NOP9: variants seen among roughly 807,000 people sequenced by gnomAD.
The protein encoded by NOP9 is nucleolar protein 9.
In NOP9, 50 loss-of-function variants were observed where a neutral mutation model predicts 63.0. The observed-to-expected ratio is 0.79, with a 90% CI of 0.63 to 1.00. NOP9 has a LOEUF of 1.00. Ranked by LOEUF, NOP9 falls within the 50% of genes least tolerant of loss-of-function variation. The probability of loss-of-function intolerance (pLI) is 0.00; values close to 1 mark genes in which losing one functional copy is unlikely to be tolerated. For synonymous variants in NOP9, 343 were observed against 332.8 expected (o/e 1.03, Z -0.33); for missense variants, 758 against 803.0 (o/e 0.94, Z 0.68).
In NOP9 at chr14:24,306,947, C is replaced by G. The variant is rs1172675940; in HGVS notation, c.*1852C>G. The G allele has an allele frequency of 3.8e-6, 1 of 259,806 alleles. No individual in the cohort carries two copies. The highest frequency in any genetic ancestry group is 7.5e-6 in the Non-Finnish European group (1 of 133,136). 16.1% of individuals were successfully genotyped at this position (259,806 alleles called of 1,614,324 possible). A position where few individuals can be genotyped will look rare whatever the true frequency, so the allele number is the denominator to read the frequency against. ...TCTGTGCCAGGTATGAGGACTTTAC[C>G]TACATTATCCTCTTACTCCTTTCAA... On this transcript the variant is annotated 3_prime_UTR_variant, in exon 10 of 10. Transcript: ENST00000267425.
the NOP9 span, chr14:24,292,105 G>A: frequency 1.3e-6 from 2 of 1,556,872 alleles, no homozygotes; most frequent in South Asian, 2.3e-5. Flanking sequence ...CCTGGTGAGT[G>A]GGAGTATCTG....
At chr14:24,301,196 G>C (rs1022089514) in intron 2 of NOP9, among the ~76,000 whole-genome samples, 1 of 152,062 alleles carries the variant, frequency 6.6e-6, no homozygotes, top group East Asian at 1.9e-4. Context: ...ACTACATGCA[G>C]CCCACTCTGT....
rs2139150347 is a variant in NOP9 at position 24,307,378 on chromosome 14, A to G, written c.*2283A>G. 6.2e-7 allele frequency: 1 copy of G among 1,613,368 alleles called. No individual in the cohort carries two copies. The highest frequency in any genetic ancestry group is 8.5e-7 in the Non-Finnish European group (1 of 1,179,606). ...GGAACTTGGCCTACTTACTTTGGCTAGCAGCTCCTGGCGGGTGGCAGCTGT... is the reference window on the plus strand; with the variant it reads ...GGAACTTGGCCTACTTACTTTGGCTGGCAGCTCCTGGCGGGTGGCAGCTGT... On this transcript the variant is annotated 3_prime_UTR_variant, in exon 10 of 10. Transcript: ENST00000267425.
At chr14:24,298,727 G>A (rs1866848124), upstream of NOP9, 18 of 485,932 alleles carry the variant, frequency 3.7e-5, no homozygotes, top group South Asian at 4.5e-4. Flanking sequence ...CTGCAGGAAC[G>A]TGCCACCATG....
At chr14:24,272,468 T>C in the NOP9 span, among the ~76,000 whole-genome samples, 2 of 152,250 alleles carry the variant, frequency 1.3e-5, no homozygotes, top group Non-Finnish European at 2.9e-5. Context: ...GCTTAAATAC[T>C]CTTTCTCTTC....
chr14:24,271,364 CG>C, the NOP9 span: 1 of 405,118 alleles, frequency 2.5e-6, no homozygotes, highest in African/African-American at 2.0e-5. Flanking sequence ...TAGCCCGATT[CG>C]CCCGGGCCAG....
chr14:24,304,555 T>A lies in NOP9; in HGVS notation c.1710T>A (p.Ser570Arg). ...HGSRVLDAIW[S>R]GAALRARKEI... ...GCCGTGTGCTAGATGCCATCTGGAG[T>A]GGAGCAGCCTTGAGGGCCCGGAAGG... The change falls in exon 9 of 10, where the codon AGT (serine) becomes AGA (arginine). Residue 570 changes from serine to arginine, a missense_variant. Transcript: ENST00000267425. 5 of 1,613,584 alleles carry A rather than the reference T, an allele frequency of 3.1e-6. No individual in the cohort carries two copies. Among genetic ancestry groups the A allele is most frequent in the Non-Finnish European group, 4.2e-6 (5 of 1,179,858 alleles).
At chr14:24,287,451 G>A in the NOP9 span, among the ~76,000 whole-genome samples, 18 of 152,292 alleles carry the variant, frequency 1.2e-4, no homozygotes, top group African/African-American at 2.9e-4. Flanking sequence ...GAGGGTGCTC[G>A]TGCTTGGCTT....
At position 24,307,661 on chromosome 14, in the gene NOP9, G is replaced by T; in HGVS notation, c.*2566G>T. On this transcript the variant is annotated 3_prime_UTR_variant, in exon 10 of 10. Coordinates refer to ENST00000267425, the MANE Select transcript of NOP9 (RefSeq NM_174913.3). ...GATGAGGGAGAGACCATGGAGTGCAGGTGGGGGCGGGTGGCTCAGGAGCTT... is the reference window on the plus strand; with the variant it reads ...GATGAGGGAGAGACCATGGAGTGCATGTGGGGGCGGGTGGCTCAGGAGCTT... The T allele has an allele frequency of 8.4e-7, 1 of 1,189,810 alleles. No individual in the cohort carries two copies. The highest frequency in any genetic ancestry group is 1.4e-5 in the South Asian group (1 of 71,768). 73.7% of individuals were successfully genotyped at this position (1,189,810 alleles called of 1,614,324 possible).
the NOP9 span, among the ~76,000 whole-genome samples, chr14:24,284,487 T>C: frequency 6.6e-6 from 1 of 150,672 alleles, no homozygotes; most frequent in Admixed American, 6.6e-5. Context: ...GGAGGAGCAG[T>C]GCAAGGAGGG....
the NOP9 span, among the ~76,000 whole-genome samples, chr14:24,279,517 A>G: frequency 6.6e-6 from 1 of 152,220 alleles, no homozygotes; most frequent in South Asian, 2.1e-4. Context: ...CCAGAGGGAA[A>G]GTCCCCACAA....
chr14:24,292,561 A>T, the NOP9 span: 2 of 1,603,670 alleles, frequency 1.2e-6, no homozygotes, highest in Admixed American at 3.3e-5. Context: ...AGCCAGCCTT[A>T]CCATTCTGAC....
At chr14:24,299,172 G>C (rs2041320996), upstream of NOP9, 1 of 1,505,252 alleles carries the variant, frequency 6.6e-7, no homozygotes, top group Non-Finnish European at 9.0e-7. Context: ...CCTGGAGACT[G>C]TGTGTGTGTT....
rs754056373 is a variant in NOP9 at position 24,306,184 on chromosome 14, C to G, written c.*1089C>G. On this transcript the variant is annotated 3_prime_UTR_variant, in exon 10 of 10. Coordinates refer to ENST00000267425, the MANE Select transcript of NOP9 (RefSeq NM_174913.3). ...GCAGTAGATCCTCATACCAGACACC[C>G]ACCACTAATCTCCATCAGCACTGGG... The G allele has an allele frequency of 3.2e-6, 5 of 1,582,580 alleles. No individual in the cohort carries two copies. The African/African-American group carries it at 6.7e-5, about 21-fold the overall frequency.
chr14:24,304,688 A>C, intron 9 of NOP9, 90 bp downstream of exon 9: 1 of 1,113,046 alleles, frequency 9.0e-7, no homozygotes, highest in African/African-American at 1.6e-5. Context: ...CTGAAATTCA[A>C]CAGTCTTTAG....
rs562266546 is a variant in NOP9 at position 24,307,360 on chromosome 14, G to A, written c.*2265G>A. On this transcript the variant is annotated 3_prime_UTR_variant, in exon 10 of 10. Transcript: ENST00000267425. ...CCCTGCTATAGGAACCGAGGAACTT[G>A]GCCTACTTACTTTGGCTAGCAGCTC... 1 of 1,610,606 alleles carries A rather than the reference G, an allele frequency of 6.2e-7. No homozygotes were observed. Among genetic ancestry groups the A allele is most frequent in the African/African-American group, 1.3e-5 (1 of 74,948 alleles).
Position 24,304,524 on chromosome 14 carries a change from A to G in NOP9, c.1679A>G (p.His560Arg). The change falls in exon 9 of 10, where the codon CAT (histidine) becomes CGT (arginine). Residue 560 changes from histidine (H) to arginine (R), a missense_variant. His to Arg is a conservative substitution (Grantham distance 29). Transcript: ENST00000267425. ...GQYVALACSRHGSRVLDAIWS... is the reference protein window; with the variant it reads ...GQYVALACSRRGSRVLDAIWS... ...TATGTGGCTCTGGCCTGTAGTCGCCATGGCAGCCGTGTGCTAGATGCCATC... is the reference window on the plus strand; with the variant it reads ...TATGTGGCTCTGGCCTGTAGTCGCCGTGGCAGCCGTGTGCTAGATGCCATC... 1 of 1,613,088 alleles carries G rather than the reference A, an allele frequency of 6.2e-7. No homozygotes were observed.
the NOP9 span, among the ~76,000 whole-genome samples, chr14:24,279,807 C>T: frequency 6.6e-6 from 1 of 152,150 alleles, no homozygotes; most frequent in African/African-American, 2.4e-5. Flanking sequence ...GCAGGGGGCA[C>T]CATCACATTC....
chr14:24,307,866 C>G lies in NOP9; in HGVS notation c.*2771C>G. The G allele has an allele frequency of 1.3e-6, 2 of 1,585,692 alleles. No homozygotes were observed. The highest frequency in any genetic ancestry group is 8.6e-7 in the Non-Finnish European group (1 of 1,165,288). ...AGCTGAGAGGTACTCCATGGTGGACCGGAGAGTTCCTTCCCTGGAACTTCT... is the reference window on the plus strand; with the variant it reads ...AGCTGAGAGGTACTCCATGGTGGACGGGAGAGTTCCTTCCCTGGAACTTCT... On this transcript the variant is annotated 3_prime_UTR_variant, in exon 10 of 10. Transcript: ENST00000267425.
Sources: gnomAD v4.1 joint callset for allele counts (sites outside exome capture counted in the v4.1 genomes callset) on GRCh38, gnomAD v4.1.1 for gene constraint, MANE v1.5 for transcripts, NCBI Gene and HGNC (gene_info 2026-07-23, HGNC 2026-07-21) for gene names.